The following PCDHA2 variants were observed in gnomAD, a reference collection of about 807,000 sequenced individuals.
The protein encoded by PCDHA2 is protocadherin alpha-2.
Under a neutral mutation model 66.0 loss-of-function variants are expected in PCDHA2, and 58 were observed. That is an observed-to-expected ratio of 0.88 (90% CI 0.71 to 1.09). The LOEUF is 1.09. Ranked by LOEUF, PCDHA2 falls within the 50% of genes least tolerant of loss-of-function variation. The pLI is 0.00. For missense variants in PCDHA2, 1,267 were observed against 1,242.3 expected, an observed-to-expected ratio of 1.02 and a Z score of -0.30; for synonymous variants, 634 against 554.0, an observed-to-expected ratio of 1.14 and a Z score of -2.03.
chr5:140,941,316 T>C (rs1479003076), intron 1 of PCDHA2, among the ~76,000 whole-genome samples: 1 of 135,480 alleles, frequency 7.4e-6, no homozygotes, highest in African/African-American at 2.7e-5. Flanking sequence ...TTTTCTTCTT[T>C]CTCTTTTTTT....
intron 1 of PCDHA2, chr5:140,869,512 G>A (rs782635875): frequency 1.9e-6 from 3 of 1,614,072 alleles, no homozygotes; most frequent in Admixed American, 3.3e-5. Flanking sequence ...CTCGCTCAGA[G>A]AACAAAAGCT....
chr5:140,928,736 T>C, intron 1 of PCDHA2: 1 of 1,614,174 alleles, frequency 6.2e-7, no homozygotes, highest in Non-Finnish European at 8.5e-7. Flanking sequence ...TCAGCCAATA[T>C]AGGTGAGCTC....
At chr5:140,802,931 C>A (rs1166121837) in intron 1 of PCDHA2, 1 of 1,613,784 alleles carries the variant, frequency 6.2e-7, no homozygotes, top group South Asian at 1.1e-5. Context: ...GCGCAGTGAG[C>A]GAGCTGGTGC....
chr5:140,823,811 C>T, intron 1 of PCDHA2: 4 of 1,613,820 alleles, frequency 2.5e-6, no homozygotes, highest in South Asian at 1.1e-5. Context: ...AAGGCCTCAT[C>T]GCGGGCGTCG....
chr5:140,981,220 C>T (rs1160783614), intron 2 of PCDHA2, among the ~76,000 whole-genome samples: 3 of 152,164 alleles, frequency 2.0e-5, no homozygotes, highest in African/African-American at 4.8e-5. Context: ...CCCCTTTAGT[C>T]AGTAGTCTAA....
chr5:140,947,035 A>T (rs2094072055), intron 1 of PCDHA2, among the ~76,000 whole-genome samples: 1 of 151,748 alleles, frequency 6.6e-6, no homozygotes, highest in Admixed American at 6.6e-5. Flanking sequence ...GGATATACTA[A>T]TTACCCTGAT....
chr5:140,901,440 G>C (rs187310877), intron 1 of PCDHA2, among the ~76,000 whole-genome samples: 22 of 152,214 alleles, frequency 1.4e-4, no homozygotes, highest in Admixed American at 5.2e-4. Flanking sequence ...TGGATATCTA[G>C]TTTCCCAGCA....
intron 3 of PCDHA2, among the ~76,000 whole-genome samples, chr5:140,988,417 A>G (rs2097297098): frequency 6.6e-6 from 1 of 152,150 alleles, no homozygotes; most frequent in Non-Finnish European, 1.5e-5. Flanking sequence ...GCTTATGTAA[A>G]GAATTTGTTT....
Position 140,956,288 on chromosome 5 carries a change from C to A in PCDHA2, c.2389-22661C>A, listed in dbSNP as rs115259112. The stretch of plus-strand genomic sequence containing the variant: ...AGTGTGGTATTGGCTGTGGGTTTAT[C>A]ATATATATGGCTCTTATTATTTTGA... On this transcript the variant is annotated intron_variant, in intron 1 of 3. Transcript: ENST00000526136. Among the ~76,000 whole-genome samples, 994 of 152,174 alleles carry A rather than the reference C, an allele frequency of 6.5e-3. 6 individuals carry two copies. Among genetic ancestry groups the A allele is most frequent in the African/African-American group, 0.022 (916 of 41,532 alleles).
chr5:140,938,443 A>C (rs1324427427), intron 1 of PCDHA2, among the ~76,000 whole-genome samples: 1 of 152,180 alleles, frequency 6.6e-6, no homozygotes, highest in African/African-American at 2.4e-5. Context: ...AGATTTATTA[A>C]GTTCCCTTTG....
chr5:140,943,333 T>C (rs1337058167), intron 1 of PCDHA2, among the ~76,000 whole-genome samples: 1 of 150,974 alleles, frequency 6.6e-6, no homozygotes, highest in East Asian at 1.9e-4. Flanking sequence ...GTAGTATCCA[T>C]TGGACAGGAT....
At chr5:140,883,888 T>C (rs781919107) in intron 1 of PCDHA2, 12 of 1,612,946 alleles carry the variant, frequency 7.4e-6, no homozygotes, top group African/African-American at 5.4e-5. Flanking sequence ...CGCGCGACTC[T>C]GGCGTGCCGC....
chr5:140,963,509 G>A, intron 1 of PCDHA2, among the ~76,000 whole-genome samples: 1 of 152,164 alleles, frequency 6.6e-6, no homozygotes, highest in Non-Finnish European at 1.5e-5. Flanking sequence ...CTCTTGAAGG[G>A]GTTCTCATAA....
chr5:140,986,280 C>T (rs2097193236), intron 3 of PCDHA2, among the ~76,000 whole-genome samples: 1 of 152,116 alleles, frequency 6.6e-6, no homozygotes, highest in African/African-American at 2.4e-5. Flanking sequence ...TTTCAGCTTC[C>T]CTTGAGACTG....
chr5:140,857,296 G>A, intron 1 of PCDHA2: 1 of 1,598,680 alleles, frequency 6.3e-7, no homozygotes, highest in Non-Finnish European at 8.6e-7. Flanking sequence ...ACCGCGAGAG[G>A]GTGTCGGCCT....
Position 140,884,220 on chromosome 5 carries a change from T to G in PCDHA2, c.2388+86868T>G, listed in dbSNP as rs1469726535. 4 of 1,613,408 alleles carry G rather than the reference T, an allele frequency of 2.5e-6. No homozygotes were observed. The highest frequency in any genetic ancestry group is 3.4e-6 in the Non-Finnish European group (4 of 1,179,728). On this transcript the variant is annotated intron_variant, in intron 1 of 3. Transcript: ENST00000526136. ...CCGCACCACCGCCTTCTGGTGCTGG[T>G]GAAGGACCACGGTGAGCCCGCGCTG...
In PCDHA2 at chr5:140,798,797, C is replaced by T. The variant is rs143253632; in HGVS notation, c.2388+1445C>T. Among the ~76,000 whole-genome samples, 154 of 152,244 alleles carry T rather than the reference C, an allele frequency of 1.0e-3. 1 individual carries two copies. The highest frequency in any genetic ancestry group is 3.6e-3 in the African/African-American group (148 of 41,546). ...AAGTAAATGTTACACTTGGAAAGAACTTTTTTAGCTTTTCCAACCAAAGGC... is the reference window on the plus strand; with the variant it reads ...AAGTAAATGTTACACTTGGAAAGAATTTTTTTAGCTTTTCCAACCAAAGGC... On this transcript the variant is annotated intron_variant, in intron 1 of 3. Transcript: ENST00000526136.
chr5:140,935,501 A>G (rs1337847677), intron 1 of PCDHA2, among the ~76,000 whole-genome samples: 1 of 152,250 alleles, frequency 6.6e-6, no homozygotes, highest in East Asian at 1.9e-4. Context: ...GCACATCCTT[A>G]CAAATGCCCA....
intron 3 of PCDHA2, among the ~76,000 whole-genome samples, 189 bp from the exon 4 acceptor site, chr5:141,009,438 T>C (rs1024999058): frequency 6.6e-6 from 1 of 152,190 alleles, no homozygotes; most frequent in African/African-American, 2.4e-5. Context: ...AGGGAAATCC[T>C]GTCTCAAAAA....
Sources: gnomAD v4.1 joint callset for allele counts (sites outside exome capture counted in the v4.1 genomes callset) on GRCh38, gnomAD v4.1.1 for gene constraint, MANE v1.5 for transcripts, NCBI Gene and HGNC (gene_info 2026-07-23, HGNC 2026-07-21) for gene names.